Variants in SLC25A13 observed in about 807,000 individuals in gnomAD.
SLC25A13 encodes solute carrier family 25 member 13.
A neutral mutation model predicts 85.5 loss-of-function variants in SLC25A13; 70 were observed. The ratio of observed to expected loss-of-function variants is 0.82; its 90% CI spans 0.68 to 1.00. SLC25A13 has a LOEUF of 1.00. Ranked by LOEUF, SLC25A13 falls within the 50% of genes least tolerant of loss-of-function variation. SLC25A13 has a pLI of 0.00. For missense variants in SLC25A13, 765 were observed against 819.8 expected (o/e 0.93, Z 0.82); for synonymous variants, 259 against 288.7 (o/e 0.90, Z 1.04).
intron 12 of SLC25A13, among the ~76,000 whole-genome samples, 172 bp from the exon 13 acceptor site, chr7:96,170,297 A>AT (rs1403603356): frequency 2.0e-5 from 3 of 152,238 alleles, no homozygotes; most frequent in African/African-American, 7.2e-5. Flanking sequence ...TCTTAATAGT[A>AT]TAATAGTTTT....
At chr7:96,299,424 C>T (rs974444429) in intron 1 of SLC25A13, among the ~76,000 whole-genome samples, 4 of 152,226 alleles carry the variant, frequency 2.6e-5, no homozygotes, top group African/African-American at 9.6e-5. Flanking sequence ...TGGATTCTCA[C>T]TGCAAATCAG....
chr7:96,232,296 T>G (rs983380259), intron 4 of SLC25A13, among the ~76,000 whole-genome samples: 1 of 149,578 alleles, frequency 6.7e-6, no homozygotes, highest in African/African-American at 2.5e-5. Flanking sequence ...GGAACTTGGA[T>G]GGAGCTGGAG....
chr7:96,168,116 AAAAAAAAAAAAAAGC>A (rs1793841798), intron 13 of SLC25A13, among the ~76,000 whole-genome samples: 1 of 142,330 alleles, frequency 7.0e-6, no homozygotes, highest in Non-Finnish European at 1.5e-5. Context: ...AAAAAAAAAA[AAAAAAAAAAAAAAGC>A]ACGTGTGCAC....
chr7:96,128,583 G>A (rs6465486), intron 15 of SLC25A13, among the ~76,000 whole-genome samples: 38,534 of 151,724 alleles, frequency 0.25, 4,931 homozygotes, highest in East Asian at 0.35. Flanking sequence ...GGGGGATCAG[G>A]AGGAAGGTGG....
chr7:96,195,875 T>C (rs1227194263), intron 5 of SLC25A13, among the ~76,000 whole-genome samples: 1 of 152,210 alleles, frequency 6.6e-6, no homozygotes, highest in Non-Finnish European at 1.5e-5. Flanking sequence ...TGGCCCCCTG[T>C]CTGAATATCA....
At chr7:96,230,132 G>A (rs1796483812) in intron 4 of SLC25A13, among the ~76,000 whole-genome samples, 1 of 152,202 alleles carries the variant, frequency 6.6e-6, no homozygotes, top group South Asian at 2.1e-4. Context: ...TTAGGATAGA[G>A]TCACATAATG....
At chr7:96,212,998 C>T (rs1795762459) in intron 4 of SLC25A13, among the ~76,000 whole-genome samples, 1 of 152,122 alleles carries the variant, frequency 6.6e-6, no homozygotes, top group African/African-American at 2.4e-5. Flanking sequence ...AGGAAACCTA[C>T]CAATATTTCT....
At chr7:96,259,620 A>G (rs1797769643) in intron 3 of SLC25A13, among the ~76,000 whole-genome samples, 1 of 152,172 alleles carries the variant, frequency 6.6e-6, no homozygotes, top group South Asian at 2.1e-4. Context: ...AGTGTAAATC[A>G]CTTCAACCAT....
chr7:96,134,146 C>G (rs1792160626), intron 14 of SLC25A13, among the ~76,000 whole-genome samples: 1 of 151,420 alleles, frequency 6.6e-6, no homozygotes, highest in Admixed American at 6.6e-5. Flanking sequence ...GTTACTTCAG[C>G]CTCCTGGCCT....
At chr7:96,275,396 A>G (rs928682549) in intron 3 of SLC25A13, among the ~76,000 whole-genome samples, 3 of 152,238 alleles carry the variant, frequency 2.0e-5, no homozygotes, top group Admixed American at 1.3e-4. Context: ...TATATACCCA[A>G]AGGATTATAA....
At position 96,259,959 on chromosome 7, in the gene SLC25A13, A is replaced by G. The variant is rs113409110; in HGVS notation, c.212+17237T>C. Among the ~76,000 whole-genome samples the G allele has an allele frequency of 2.7e-3, 409 of 152,104 alleles. 1 individual carries two copies. Among genetic ancestry groups the G allele is most frequent in the African/African-American group, 9.4e-3 (389 of 41,496 alleles). ...CTCAGCAAACTAACATAGGAACAGCAAACCAAACACCGCATGTTCGCACTC... is the reference window on the plus strand; with the variant it reads ...CTCAGCAAACTAACATAGGAACAGCGAACCAAACACCGCATGTTCGCACTC... On this transcript the variant is annotated intron_variant, in intron 3 of 17. Coordinates refer to ENST00000265631, the MANE Select transcript of SLC25A13 (RefSeq NM_014251.3).
At chr7:96,312,063 G>C (rs1191484386) in intron 1 of SLC25A13, among the ~76,000 whole-genome samples, 1 of 152,184 alleles carries the variant, frequency 6.6e-6, no homozygotes, top group Non-Finnish European at 1.5e-5. Flanking sequence ...TGGCTAAAGA[G>C]TTTAAATTTT....
chr7:96,176,823 T>G lies in SLC25A13; in HGVS notation c.1178-5299A>C, dbSNP rs1368387089. On this transcript the variant is annotated intron_variant, in intron 11 of 17. Coordinates refer to ENST00000265631, the MANE Select transcript of SLC25A13 (RefSeq NM_014251.3). ...TATTGCTGGCCTAATTTAAACTAAT[T>G]TTAGGCTATTTCCAACGGGCTGGCA... 5.3e-5 allele frequency among the ~76,000 whole-genome samples: 8 copies of G among 152,268 alleles called. No individual in the cohort carries two copies. The East Asian group carries it at 1.5e-3, about 29-fold the overall frequency.
At position 96,191,185 on chromosome 7, in the gene SLC25A13, G is replaced by C. The variant is rs760655625; in HGVS notation, c.678C>G (p.Leu226=). The part of the protein sequence containing the change: ...SFSYFNGFNS[L]LNNMELIRKI... ...TTCTAATGAGTTCCATGTTGTTAAGGAGCGAATTAAATCCATTAAAATAGG... is the reference window on the plus strand; with the variant it reads ...TTCTAATGAGTTCCATGTTGTTAAGCAGCGAATTAAATCCATTAAAATAGG... The change falls in exon 7 of 18, where the codon CTC becomes CTG. Residue 226 remains leucine (L), a synonymous_variant. Coordinates refer to ENST00000265631, the MANE Select transcript of SLC25A13 (RefSeq NM_014251.3). The C allele has an allele frequency of 2.5e-6, 4 of 1,614,016 alleles. No homozygotes were observed. Among genetic ancestry groups the C allele is most frequent in the Non-Finnish European group, 3.4e-6 (4 of 1,179,958 alleles).
intron 11 of SLC25A13, 130 bp downstream of exon 11, chr7:96,184,147 C>T (rs1794530877): frequency 3.4e-6 from 4 of 1,162,932 alleles, no homozygotes; most frequent in Non-Finnish European, 5.1e-6. Flanking sequence ...CTCCCATTAG[C>T]ATGGATAATT....
At chr7:96,172,444 G>A (rs1463447512) in intron 11 of SLC25A13, among the ~76,000 whole-genome samples, 1 of 151,996 alleles carries the variant, frequency 6.6e-6, no homozygotes, top group African/African-American at 2.4e-5. Flanking sequence ...TGTAGTCCCA[G>A]CTAGTTGGGA....
intron 2 of SLC25A13, among the ~76,000 whole-genome samples, chr7:96,288,599 C>T (rs1798985944): frequency 6.6e-6 from 1 of 152,212 alleles, no homozygotes; most frequent in South Asian, 2.1e-4. Flanking sequence ...ACGGTCTTAG[C>T]AAACGGCACA....
At chr7:96,169,340 C>T (rs1380184974) in intron 13 of SLC25A13, among the ~76,000 whole-genome samples, 2 of 152,138 alleles carry the variant, frequency 1.3e-5, no homozygotes, top group South Asian at 2.1e-4. Flanking sequence ...AATATTGTAT[C>T]GCCTGAGTGA....
chr7:96,302,247 C>A (rs1799575026), intron 1 of SLC25A13, among the ~76,000 whole-genome samples: 1 of 152,020 alleles, frequency 6.6e-6, no homozygotes, highest in African/African-American at 2.4e-5. Flanking sequence ...GAGAACATGG[C>A]AAGAAGAATA....
Sources: gnomAD v4.1 joint callset for allele counts (sites outside exome capture counted in the v4.1 genomes callset) on GRCh38, gnomAD v4.1.1 for gene constraint, MANE v1.5 for transcripts, NCBI Gene and HGNC (gene_info 2026-07-23, HGNC 2026-07-21) for gene names.